Variants in VNN1 observed in about 807,000 individuals in gnomAD.
VNN1 encodes the protein vanin 1, also known as pantetheinase.
In VNN1, 29 loss-of-function variants were observed where a neutral mutation model predicts 41.9. That is an observed-to-expected ratio of 0.69 (90% CI 0.52 to 0.94). The LOEUF is 0.94. Among genes scored for constraint, VNN1 ranks in the 40% least tolerant of loss-of-function variants. The probability of loss-of-function intolerance (pLI) is 0.00; values close to 1 mark genes in which losing one functional copy is unlikely to be tolerated. For missense variants in VNN1, 637 were observed against 621.1 expected (o/e 1.03, Z -0.27); for synonymous variants, 233 against 224.4 (o/e 1.04, Z -0.34).
intron 1 of VNN1, 140 bp from the exon 2 acceptor site, chr6:132,711,979 T>C: frequency 1.2e-6 from 1 of 854,200 alleles, no homozygotes; most frequent in Middle Eastern, 3.8e-4. Flanking sequence ...TTTATTTTCT[T>C]TTCCAAAGCA....
chr6:132,694,943 A>C (rs1778347231), intron 2 of VNN1, among the ~76,000 whole-genome samples: 1 of 152,176 alleles, frequency 6.6e-6, no homozygotes, highest in Non-Finnish European at 1.5e-5. Flanking sequence ...AGCTGAGGTC[A>C]GGAGTTCGAG....
intron 2 of VNN1, among the ~76,000 whole-genome samples, chr6:132,697,422 T>C (rs113425071): frequency 1.0e-3 from 153 of 152,298 alleles, no homozygotes; most frequent in African/African-American, 3.5e-3. Flanking sequence ...TACCAGCTAG[T>C]ATGAAACAAT....
At chr6:132,696,987 T>A (rs4897602) in intron 2 of VNN1, among the ~76,000 whole-genome samples, 1 of 151,648 alleles carries the variant, frequency 6.6e-6, no homozygotes, top group Non-Finnish European at 1.5e-5. Context: ...TGCCTGTAGT[T>A]CCAGCTACTC....
At position 132,680,891 on chromosome 6, in the gene VNN1, A is replaced by G. The variant is rs755322664; in HGVS notation, c.*2249T>C. Among the ~76,000 whole-genome samples, 1 of 152,192 alleles carries G rather than the reference A, an allele frequency of 6.6e-6. No individual in the cohort carries two copies. Among genetic ancestry groups the G allele is most frequent in the Non-Finnish European group, 1.5e-5 (1 of 68,032 alleles). The stretch of plus-strand genomic sequence containing the variant: ...TTTAATTTAATTATTCAATGTATAG[A>G]AAGTTTTTTAGTGTAGTGCTTTTCA... On this transcript the variant is annotated 3_prime_UTR_variant, in exon 7 of 7. Coordinates refer to ENST00000367928, the MANE Select transcript of VNN1 (RefSeq NM_004666.3).
chr6:132,711,835 G>T lies in VNN1; in HGVS notation c.215C>A (p.Ala72Glu), dbSNP rs146663285. Residue 72 changes from alanine (A) to glutamate (E), a missense_variant, in exon 2 of 7, where the codon GCG (alanine) becomes GAG (glutamate). By Grantham distance (107) the Ala-to-Glu change is moderately radical. Transcript: ENST00000367928. ...ATCTTCTGGAGTCACAATAATATGC[G>T]CACCCTGTTAAAAATGCAACTTAAT... is the stretch of plus-strand genomic sequence containing the variant. ...GAITSAADQGAHIIVTPEDAI... is the reference protein window; with the variant it reads ...GAITSAADQGEHIIVTPEDAI... 3 of 1,613,112 alleles carry T rather than the reference G, an allele frequency of 1.9e-6. No homozygotes were observed. Among genetic ancestry groups the T allele is most frequent in the East Asian group, 2.2e-5 (1 of 44,844 alleles).
chr6:132,703,707 T>C (rs1291793606), intron 2 of VNN1, among the ~76,000 whole-genome samples: 1 of 151,690 alleles, frequency 6.6e-6, no homozygotes, highest in Non-Finnish European at 1.5e-5. Context: ...TACTTAACAA[T>C]AAAACATTGA....
At chr6:132,703,769 T>C (rs1490995868) in intron 2 of VNN1, among the ~76,000 whole-genome samples, 1 of 151,064 alleles carries the variant, frequency 6.6e-6, no homozygotes, top group Non-Finnish European at 1.5e-5. Flanking sequence ...GCTAAATGGA[T>C]AAAAAAGAAA....
At chr6:132,700,615 G>A (rs45513396) in intron 2 of VNN1, among the ~76,000 whole-genome samples, 4 of 152,246 alleles carry the variant, frequency 2.6e-5, no homozygotes, top group Middle Eastern at 3.4e-3. Flanking sequence ...AAACCAAGAA[G>A]GGCACCCTGG....
chr6:132,692,532 C>T lies in VNN1; in HGVS notation c.879G>A (p.Lys293=), dbSNP rs754857968. ...NSSRAFHYDM[K]TEEGKLLLSQ... ...AGAGGAGGAGTTTTCCCTCTTCTGT[C>T]TTCATATCATAATGAAATGCTCTTG... Residue 293 remains lysine (K), a synonymous_variant, in exon 5 of 7, where the codon AAG becomes AAA. Transcript: ENST00000367928. The T allele has an allele frequency of 1.2e-6, 2 of 1,608,300 alleles. No individual in the cohort carries two copies. The highest frequency in any genetic ancestry group is 1.7e-4 in the Middle Eastern group (1 of 6,048).
At chr6:132,687,900 CTGAG>C (rs777569882) in intron 5 of VNN1, among the ~76,000 whole-genome samples, 1 of 152,086 alleles carries the variant, frequency 6.6e-6, no homozygotes, top group African/African-American at 2.4e-5. Context: ...AAGCAAAACT[CTGAG>C]TGATGTTTGC....
chr6:132,696,061 T>A (rs1009794294), intron 2 of VNN1, among the ~76,000 whole-genome samples: 3 of 152,046 alleles, frequency 2.0e-5, no homozygotes, highest in Admixed American at 6.5e-5. Context: ...TTTAAAACAA[T>A]GGTTTTACAG....
chr6:132,695,249 C>A (rs895933947), intron 2 of VNN1, among the ~76,000 whole-genome samples: 1 of 152,178 alleles, frequency 6.6e-6, no homozygotes, highest in African/African-American at 2.4e-5. Flanking sequence ...ACCTAGATAA[C>A]AATTGCACTG....
intron 2 of VNN1, among the ~76,000 whole-genome samples, chr6:132,701,408 G>A (rs1000564689): frequency 6.6e-6 from 1 of 152,162 alleles, no homozygotes; most frequent in Non-Finnish European, 1.5e-5. Flanking sequence ...AAAGGCTATA[G>A]ATGGCGTATA....
intron 5 of VNN1, among the ~76,000 whole-genome samples, chr6:132,686,821 A>T (rs982830751): frequency 6.6e-6 from 1 of 152,180 alleles, no homozygotes; most frequent in African/African-American, 2.4e-5. Context: ...AAAATTTCCT[A>T]AATAGCCTCA....
chr6:132,700,771 T>C (rs1321850428), intron 2 of VNN1, among the ~76,000 whole-genome samples: 4 of 152,206 alleles, frequency 2.6e-5, no homozygotes, highest in African/African-American at 9.6e-5. Context: ...ATTATGAATG[T>C]TAGATATAAA....
At chr6:132,708,450 A>G (rs1361627216) in intron 2 of VNN1, among the ~76,000 whole-genome samples, 1 of 152,214 alleles carries the variant, frequency 6.6e-6, no homozygotes, top group Non-Finnish European at 1.5e-5. Context: ...ATAAAAAAGA[A>G]AAGTGATGAG....
In VNN1 at chr6:132,683,252, CCAAA is replaced by C. The variant is rs1562212506; in HGVS notation, c.1426_1429del (p.Phe476GlyfsTer22). 1.2e-6 allele frequency: 2 copies of C among 1,613,992 alleles called. No homozygotes were observed. The highest frequency in any genetic ancestry group is 2.7e-5 in the African/African-American group (2 of 74,906). ...TGCCCAGTCCTTCTCATACAACCTC[CCAAA>C]CAGAGTTACTGTTAAGACAGGTCCG... On this transcript the variant is annotated frameshift_variant, in exon 7 of 7. Transcript: ENST00000367928. LOFTEE classifies it low-confidence loss of function (END_TRUNC).
chr6:132,707,343 G>A (rs1778534030), intron 2 of VNN1, among the ~76,000 whole-genome samples: 1 of 152,102 alleles, frequency 6.6e-6, no homozygotes, highest in African/African-American at 2.4e-5. Flanking sequence ...CACTGTTAGT[G>A]GGAATGCAAA....
Position 132,696,520 on chromosome 6 carries a change from T to C in VNN1, c.342-2338A>G, listed in dbSNP as rs115833810. 7.3e-3 allele frequency among the ~76,000 whole-genome samples: 1,103 copies of C among 152,074 alleles called. 17 individuals are homozygous for C. Among genetic ancestry groups the C allele is most frequent in the African/African-American group, 0.025 (1,032 of 41,474 alleles). ...CACACTAAGACACACTATAATCAAA[T>C]TGTAGAGAGCCAAAGACAAAATGAG... On this transcript the variant is annotated intron_variant, in intron 2 of 6. Transcript: ENST00000367928.
Sources: allele counts gnomAD v4.1 joint callset (sites outside exome capture counted in the v4.1 genomes callset), GRCh38; gene constraint gnomAD v4.1.1; transcripts MANE v1.5; gene names NCBI Gene and HGNC (gene_info 2026-07-23, HGNC 2026-07-21).